PGBD2: variants seen among roughly 807,000 people sequenced by gnomAD.
PGBD2 encodes the protein piggyBac transposable element-derived protein 2.
In PGBD2, 6 loss-of-function variants were observed where a neutral mutation model predicts 8.1. The observed-to-expected ratio is 0.74, with a 90% confidence interval of 0.40 to 1.46. PGBD2 has a LOEUF of 1.46. PGBD2 is among the 40% of genes most tolerant of loss of function. The pLI, the probability that PGBD2 is intolerant of heterozygous loss-of-function variation, is 0.02. For synonymous variants in PGBD2, 318 were observed against 272.2 expected (o/e 1.17, Z -1.66); for missense variants, 802 against 739.0 (o/e 1.09, Z -0.99).
At chr1:248,889,828 A>G in the PGBD2 span, among the ~76,000 whole-genome samples, 5,276 of 152,172 alleles carry the variant, frequency 0.035, 297 homozygotes, top group African/African-American at 0.12. Flanking sequence ...GTATGGGAAC[A>G]GACACAACTC....
rs1662176793 is a variant in PGBD2, at chr1:248,917,975, G to T, written c.1391G>T (p.Gly464Val). ...KLYQEKVGGV[G>V]RMDQNIAKYK... is the part of the protein sequence containing the mutation. ...TATCAGGAGAAGGTGGGTGGCGTTG[G>T]TAGGATGGATCAGAATATTGCCAAG... The change falls in exon 3 of 3, where the codon GGT becomes GTT. Residue 464 changes from glycine (G) to valine (V), a missense_variant. Gly to Val is a moderately radical substitution (Grantham distance 109). Coordinates refer to ENST00000329291, the MANE Select transcript of PGBD2 (RefSeq NM_170725.3). 1 of 1,614,114 alleles carries T rather than the reference G, an allele frequency of 6.2e-7. No individual in the cohort carries two copies. The highest frequency in any genetic ancestry group is 1.7e-5 in the Admixed American group (1 of 60,006).
chr1:248,881,060 T>C, the PGBD2 span, among the ~76,000 whole-genome samples: 1 of 152,144 alleles, frequency 6.6e-6, no homozygotes, highest in Non-Finnish European at 1.5e-5. Context: ...GCCAAAGCCA[T>C]GGTGCCCAGC....
the PGBD2 span, among the ~76,000 whole-genome samples, chr1:248,883,962 A>G: frequency 1.3e-5 from 2 of 152,012 alleles, no homozygotes; most frequent in East Asian, 1.9e-4. Context: ...TTTTTCTTTT[A>G]GTTGCAATTG....
At chr1:248,892,863 A>G in the PGBD2 span, among the ~76,000 whole-genome samples, 1 of 152,170 alleles carries the variant, frequency 6.6e-6, no homozygotes, top group African/African-American at 2.4e-5. Context: ...AATCATATCT[A>G]TTTGACTCAC....
Position 248,918,179 on chromosome 1 carries a change from C to T in PGBD2, c.1595C>T (p.Thr532Ile), listed in dbSNP as rs759736409. The T allele has an allele frequency of 3.7e-6, 6 of 1,614,182 alleles. No homozygotes were observed. Among genetic ancestry groups the T allele is most frequent in the Non-Finnish European group, 4.2e-6 (5 of 1,180,042 alleles). The change falls in exon 3 of 3, where the codon ACA becomes ATA. Residue 532 changes from threonine to isoleucine, a missense_variant. Transcript: ENST00000329291. Reference sequence around the variant, plus strand: ...TATCTGGAGAGCAATGCTGACACAACATCTCAAGGGAGGCGAAGCAGGCGG... The same window carrying T: ...TATCTGGAGAGCAATGCTGACACAATATCTCAAGGGAGGCGAAGCAGGCGG... ...CVYLESNADT[T>I]SQGRRSRRLE...
the PGBD2 span, among the ~76,000 whole-genome samples, chr1:248,882,488 C>A: frequency 6.6e-6 from 1 of 152,110 alleles, no homozygotes; most frequent in Non-Finnish European, 1.5e-5. Flanking sequence ...AAGCTGGTTA[C>A]AAACAATCCA....
rs767493831 is a variant in PGBD2 at position 248,916,758 on chromosome 1, C to G, written c.174C>G (p.Asp58Glu). 3 of 1,614,032 alleles carry G rather than the reference C, an allele frequency of 1.9e-6. No individual in the cohort carries two copies. ...CTGCGGGGGAATTCACTGATGAGGA[C>G]TCAGGGGATGAAGACAGCCAGCGAG... ...DNAAGEFTDE[D>E]SGDEDSQRGA... The change falls in exon 3 of 3, where the codon GAC becomes GAG. Residue 58 changes from aspartate to glutamate, a missense_variant. Transcript: ENST00000329291.
At chr1:248,891,660 T>C in the PGBD2 span, among the ~76,000 whole-genome samples, 11 of 151,994 alleles carry the variant, frequency 7.2e-5, no homozygotes, top group Admixed American at 7.2e-4. Context: ...CAAGACCTCA[T>C]CTCTACTAAA....
chr1:248,911,330 T>C lies in PGBD2; in HGVS notation c.-47-2486T>C, dbSNP rs527357552. ...GAGTGGTGATGACTCTTAACGAGCA[T>C]CCTGCCTTCAAGCATCTGTTTAACA... On this transcript the variant is annotated intron_variant, in intron 1 of 2. Transcript: ENST00000329291. Among the ~76,000 whole-genome samples the C allele has an allele frequency of 2.4e-3, 366 of 151,394 alleles. 3 individuals carry two copies. The highest frequency in any genetic ancestry group is 6.9e-3 in the African/African-American group (283 of 40,920).
At chr1:248,914,611 G>GGA in intron 2 of PGBD2, 1 of 1,288,092 alleles carries the variant, frequency 7.8e-7, no homozygotes, top group Admixed American at 2.3e-5. Flanking sequence ...CTGTTGGGAT[G>GGA]GAGGGTCCTC....
At chr1:248,923,940 A>G (rs1662335952), downstream of PGBD2, among the ~76,000 whole-genome samples, 1 of 152,198 alleles carries the variant, frequency 6.6e-6, no homozygotes. Flanking sequence ...GTTTTCTTCT[A>G]AGGTGAGATG....
chr1:248,898,365 C>A, the PGBD2 span, among the ~76,000 whole-genome samples: 2 of 152,190 alleles, frequency 1.3e-5, no homozygotes, highest in Non-Finnish European at 2.9e-5. Flanking sequence ...AAGGAGCAGG[C>A]TGCCACCTTT....
At chr1:248,876,139 G>A in the PGBD2 span, among the ~76,000 whole-genome samples, 5 of 151,884 alleles carry the variant, frequency 3.3e-5, no homozygotes, top group African/African-American at 1.2e-4. Context: ...CTCCCGAGTA[G>A]CTGGGATTAC....
At chr1:248,915,320 T>C (rs1458052656) in intron 2 of PGBD2, among the ~76,000 whole-genome samples, 1 of 152,238 alleles carries the variant, frequency 6.6e-6, no homozygotes, top group African/African-American at 2.4e-5. Flanking sequence ...TAAGATGGTG[T>C]AAAAGCCAGA....
downstream of PGBD2, chr1:248,919,699 C>T (rs1662244569): frequency 6.0e-6 from 1 of 166,378 alleles, no homozygotes; most frequent in African/African-American, 2.4e-5. Context: ...AATTTACATT[C>T]CCACCAGCAG....
At chr1:248,913,555 A>G (rs529793695) in intron 1 of PGBD2, among the ~76,000 whole-genome samples, 1 of 152,320 alleles carries the variant, frequency 6.6e-6, no homozygotes, top group Admixed American at 6.5e-5. Context: ...TAAACATCCT[A>G]GAATGCAGTG....
chr1:248,892,290 C>T, the PGBD2 span, among the ~76,000 whole-genome samples: 1 of 122,184 alleles, frequency 8.2e-6, no homozygotes, highest in African/African-American at 3.2e-5. Flanking sequence ...TTCCTTCCTT[C>T]CTTCCTTCCC....
the PGBD2 span, among the ~76,000 whole-genome samples, chr1:248,873,348 C>A: frequency 6.6e-6 from 1 of 152,224 alleles, no homozygotes; most frequent in South Asian, 2.1e-4. Flanking sequence ...TTATCGCCAA[C>A]CGTATCTGTG....
In PGBD2 at chr1:248,916,794, A is replaced by G. The variant is rs2103115745; in HGVS notation, c.210A>G (p.Leu70=). 3 of 1,614,140 alleles carry G rather than the reference A, an allele frequency of 1.9e-6. No individual in the cohort carries two copies. The South Asian group carries it at 3.3e-5, about 18-fold the overall frequency. The change falls in exon 3 of 3, where the codon CTA becomes CTG. Residue 70 remains leucine, a synonymous_variant. Transcript: ENST00000329291. ...GDEDSQRGAH[L]PGSVLHASVL... Reference sequence around the variant, plus strand: ...AAGACAGCCAGCGAGGTGCTCACCTACCTGGCAGTGTGCTGCATGCTTCAG... The same window carrying G: ...AAGACAGCCAGCGAGGTGCTCACCTGCCTGGCAGTGTGCTGCATGCTTCAG...
Sources: allele counts gnomAD v4.1 joint callset (sites outside exome capture counted in the v4.1 genomes callset), GRCh38; gene constraint gnomAD v4.1.1; transcripts MANE v1.5; gene names NCBI Gene and HGNC (gene_info 2026-07-23, HGNC 2026-07-21).